AOPEP: variants seen among roughly 807,000 people sequenced by gnomAD.
AOPEP encodes the protein aminopeptidase O (putative), also known as aminopeptidase O.
In AOPEP, 77 loss-of-function variants were observed where a neutral mutation model predicts 98.1. The observed-to-expected ratio is 0.78, with a 90% CI of 0.65 to 0.95. AOPEP has a LOEUF of 0.95. Ranked by LOEUF, AOPEP falls within the 40% of genes least tolerant of loss-of-function variation. AOPEP has a pLI of 0.00. For missense variants in AOPEP, 1,024 were observed against 1,024.7 expected, an observed-to-expected ratio of 1.00 and a Z score of 0.01; for synonymous variants, 346 against 365.3, an observed-to-expected ratio of 0.95 and a Z score of 0.60.
chr9:94,897,616 C>T (rs928087882), intron 5 of AOPEP, among the ~76,000 whole-genome samples: 3 of 151,958 alleles, frequency 2.0e-5, no homozygotes, highest in South Asian at 2.1e-4. Context: ...AAAAGAAATA[C>T]AACAAATGAA....
chr9:94,828,001 GAA>G (rs1051613181), intron 5 of AOPEP, among the ~76,000 whole-genome samples: 1 of 152,146 alleles, frequency 6.6e-6, no homozygotes, highest in East Asian at 1.9e-4. Context: ...TGAGAACAGA[GAA>G]AAAAAGAAGA....
chr9:95,144,114 A>G, the AOPEP span, among the ~76,000 whole-genome samples: 5 of 141,808 alleles, frequency 3.5e-5, no homozygotes, highest in African/African-American at 1.3e-4. Context: ...TTTCCAAATG[A>G]CCACGCAGCA....
intron 11 of AOPEP, among the ~76,000 whole-genome samples, chr9:94,979,800 C>T (rs1466382415): frequency 2.0e-5 from 3 of 152,206 alleles, no homozygotes; most frequent in African/African-American, 7.2e-5. Context: ...GAGCAGTCAG[C>T]CTCCAGCTCT....
intron 16 of AOPEP, chr9:95,086,241 G>T: frequency 8.0e-7 from 1 of 1,247,116 alleles, no homozygotes; most frequent in Non-Finnish European, 1.0e-6. Flanking sequence ...TGCTCCTGCG[G>T]CGTGGGGGTT....
chr9:95,026,724 A>T (rs2063869966), intron 13 of AOPEP, among the ~76,000 whole-genome samples: 1 of 152,210 alleles, frequency 6.6e-6, no homozygotes, highest in Non-Finnish European at 1.5e-5. Flanking sequence ...TAAGTTGAGT[A>T]AATTTATATG....
the AOPEP span, among the ~76,000 whole-genome samples, chr9:95,136,226 CA>C: frequency 6.6e-6 from 1 of 151,150 alleles, no homozygotes; most frequent in African/African-American, 2.4e-5. Context: ...CCTGCTTCTA[CA>C]AAAAAAAATT....
chr9:94,738,188 A>T (rs1025687209), intron 1 of AOPEP, among the ~76,000 whole-genome samples: 3 of 152,238 alleles, frequency 2.0e-5, no homozygotes, highest in African/African-American at 7.2e-5. Flanking sequence ...CTACTTGTTA[A>T]TATGAGTGTC....
chr9:95,102,786 G>A, the AOPEP span, among the ~76,000 whole-genome samples: 18 of 152,218 alleles, frequency 1.2e-4, no homozygotes, highest in African/African-American at 4.1e-4. Flanking sequence ...GCCTCTTGTC[G>A]CATGCGCACT....
chr9:94,887,496 C>T (rs2048371996), intron 5 of AOPEP, among the ~76,000 whole-genome samples: 1 of 152,094 alleles, frequency 6.6e-6, no homozygotes. Flanking sequence ...CTTTCCAAGC[C>T]TTACCTCTGA....
intron 14 of AOPEP, among the ~76,000 whole-genome samples, chr9:95,070,409 T>G (rs1329717195): frequency 1.3e-5 from 2 of 151,770 alleles, no homozygotes; most frequent in Non-Finnish European, 2.9e-5. Context: ...CTGGACAGAT[T>G]TTTTTTTTCC....
intron 1 of AOPEP, among the ~76,000 whole-genome samples, chr9:94,728,135 G>T (rs1018575309): frequency 2.6e-5 from 4 of 151,954 alleles, no homozygotes; most frequent in African/African-American, 4.8e-5. Flanking sequence ...CTACACAAAT[G>T]ATTTAACACT....
intron 7 of AOPEP, among the ~76,000 whole-genome samples, chr9:94,947,426 C>T (rs1217740958): frequency 6.6e-6 from 1 of 152,126 alleles, no homozygotes; most frequent in African/African-American, 2.4e-5. Flanking sequence ...TACAGGCGAG[C>T]ACTACCACAT....
chr9:94,782,345 G>T (rs1406651006), intron 3 of AOPEP, among the ~76,000 whole-genome samples: 1 of 152,196 alleles, frequency 6.6e-6, no homozygotes, highest in East Asian at 1.9e-4. Context: ...AACTACATGT[G>T]CCCTTGCATA....
At chr9:95,072,435 A>G (rs1460552326) in intron 14 of AOPEP, among the ~76,000 whole-genome samples, 2 of 152,112 alleles carry the variant, frequency 1.3e-5, no homozygotes, top group African/African-American at 4.8e-5. Flanking sequence ...AGGCGGGATC[A>G]CTTGAGCCCA....
intron 4 of AOPEP, among the ~76,000 whole-genome samples, chr9:94,794,753 G>T (rs1362381692): frequency 6.6e-6 from 1 of 152,136 alleles, no homozygotes; most frequent in African/African-American, 2.4e-5. Flanking sequence ...AACTTTAATT[G>T]CATGTGAGAT....
chr9:94,961,022 A>G (rs1277548207), intron 9 of AOPEP, among the ~76,000 whole-genome samples: 2 of 151,916 alleles, frequency 1.3e-5, no homozygotes, highest in African/African-American at 4.8e-5. Context: ...TCAAAAAAAA[A>G]AAAAAAAGAA....
At chr9:95,094,588 C>A in the AOPEP span, among the ~76,000 whole-genome samples, 1 of 152,188 alleles carries the variant, frequency 6.6e-6, no homozygotes, top group South Asian at 2.1e-4. Context: ...AATCTTTGTC[C>A]TTTTATGTCT....
intron 5 of AOPEP, among the ~76,000 whole-genome samples, chr9:94,873,350 C>G (rs1296566907): frequency 6.6e-6 from 1 of 152,130 alleles, no homozygotes; most frequent in African/African-American, 2.4e-5. Flanking sequence ...AGTGTTATAC[C>G]TTTTGACCAA....
chr9:94,753,810 G>A lies in AOPEP; in HGVS notation c.-135-5839G>A, dbSNP rs201718568. 3.3e-5 allele frequency among the ~76,000 whole-genome samples: 5 copies of A among 152,234 alleles called. No homozygotes were observed. In the East Asian group the frequency reaches 9.6e-4, roughly 29 times the overall value. On this transcript the variant is annotated intron_variant, in intron 1 of 16. Transcript: ENST00000375315. ...AAACCAAAAGAAAGTAGGTATGACAGTATTAACATCAGGCAAAACGGAATT... is the reference window on the plus strand; with the variant it reads ...AAACCAAAAGAAAGTAGGTATGACAATATTAACATCAGGCAAAACGGAATT...
Sources: gnomAD v4.1 joint callset for allele counts (sites outside exome capture counted in the v4.1 genomes callset) on GRCh38, gnomAD v4.1.1 for gene constraint, MANE v1.5 for transcripts, NCBI Gene and HGNC (gene_info 2026-07-23, HGNC 2026-07-21) for gene names.